NBPF11: variants seen among roughly 807,000 people sequenced by gnomAD.
NBPF11 encodes the protein NBPF member 11.
In NBPF11, 72 loss-of-function variants were observed where a neutral mutation model predicts 93.9. That is an observed-to-expected ratio of 0.77 (90% CI 0.63 to 0.93). The LOEUF (loss-of-function observed/expected upper bound fraction) is 0.93. NBPF11 is among the 40% of genes least tolerant of loss of function. The pLI is 0.00. For synonymous variants in NBPF11, 224 were observed against 304.9 expected, an observed-to-expected ratio of 0.73 and a Z score of 2.76; for missense variants, 705 against 802.2, an observed-to-expected ratio of 0.88 and a Z score of 1.46.
chr1:148,117,049 C>A (rs1272443529), intron 12 of NBPF11, among the ~76,000 whole-genome samples: 2 of 152,120 alleles, frequency 1.3e-5, no homozygotes, highest in Non-Finnish European at 1.5e-5. Flanking sequence ...GCCCCCACAT[C>A]AAGTGCCTTC....
Position 148,120,627 on chromosome 1 carries a change from T to A in NBPF11, c.862A>T (p.Ile288Phe). 6.5e-7 allele frequency: 1 copy of A among 1,535,250 alleles called. No individual in the cohort carries two copies. Reference sequence around the variant, plus strand: ...CACAATTTCTCATTGATTTCTAGAATGTTCATCTCTGCCTTCTCGCTGGAC... The same window carrying A: ...CACAATTTCTCATTGATTTCTAGAAAGTTCATCTCTGCCTTCTCGCTGGAC... The part of the protein sequence containing the change: ...PLSSEKAEMN[I>F]LEINEKLCPQ... Residue 288 changes from isoleucine to phenylalanine, a missense_variant, in exon 10 of 24, where the codon ATT becomes TTT. Transcript: ENST00000682118.
intron 1 of NBPF11, among the ~76,000 whole-genome samples, chr1:148,148,458 G>A (rs1216843489): frequency 3.3e-5 from 5 of 152,160 alleles, no homozygotes; most frequent in South Asian, 2.1e-4. Context: ...GTCAGGGGCC[G>A]CACACCAATG....
In NBPF11 at chr1:148,103,906, G is replaced by T. The variant is rs1271089715; in HGVS notation, c.2588C>A (p.Ala863Glu). Residue 863 changes from alanine to glutamate, a missense_variant, in exon 24 of 24, where the codon GCA becomes GAA. Physicochemically the swap from Ala to Glu is moderately radical, Grantham distance 107. Around this residue, in one of 12 missense-constraint regions of NBPF11, gnomAD observed 109 missense variants for 83.3 expected, o/e 1.31. Coordinates refer to ENST00000682118, the MANE Select transcript of NBPF11 (RefSeq NM_001385469.3). ...GCACTTCCACTTCCATCAGCACGCT[G>T]CTGAGCCTGGAAAAGGAGACAAAAC... The part of the protein sequence containing the change: ...KIKTHHAPGS[A>E]AC 2 of 1,610,860 alleles carry T rather than the reference G, an allele frequency of 1.2e-6. No individual in the cohort carries two copies. Among genetic ancestry groups the T allele is most frequent in the Non-Finnish European group, 1.7e-6 (2 of 1,179,128 alleles).
chr1:148,115,527 A>G (rs1666304021), intron 14 of NBPF11, among the ~76,000 whole-genome samples: 1 of 151,602 alleles, frequency 6.6e-6, no homozygotes, highest in African/African-American at 2.4e-5. Context: ...CGAAGTTAGG[A>G]GGCCTGACAG....
chr1:148,124,772 T>C, intron 6 of NBPF11, 127 bp downstream of exon 6: 3 of 830,906 alleles, frequency 3.6e-6, no homozygotes, highest in Non-Finnish European at 4.2e-6. Context: ...TTGTGTGTCA[T>C]GAGCCTGCCA....
rs1348726524 is a variant in NBPF11 at position 148,125,349 on chromosome 1, G to A, written c.176-348C>T. Among the ~76,000 whole-genome samples, 529 of 152,056 alleles carry A rather than the reference G, an allele frequency of 3.5e-3. 2 individuals are homozygous for A. Among genetic ancestry groups the A allele is most frequent in the Non-Finnish European group, 6.4e-3 (438 of 68,022 alleles). ...CTCTCCTCTAAAACACTGCACTGGGGCATGAAGTAGTGATTTCTTGTACAG... is the reference window on the plus strand; with the variant it reads ...CTCTCCTCTAAAACACTGCACTGGGACATGAAGTAGTGATTTCTTGTACAG... On this transcript the variant is annotated intron_variant, in intron 5 of 23. Transcript: ENST00000682118.
chr1:148,149,655 C>G, intron 1 of NBPF11: 1 of 1,192,588 alleles, frequency 8.4e-7, no homozygotes, highest in Admixed American at 2.8e-5. Context: ...GCATGTGGAC[C>G]CCCCCGGGCG....
rs1553882753 is a variant in NBPF11, at chr1:148,150,141, A to T, written c.-549+1609T>A. ...CTGTGGTGGTTCATTTAGTAAAAACACATGACCTGTACTTTTTTTTTTTTT... is the reference window on the plus strand; with the variant it reads ...CTGTGGTGGTTCATTTAGTAAAAACTCATGACCTGTACTTTTTTTTTTTTT... On this transcript the variant is annotated intron_variant, in intron 1 of 23. Coordinates refer to ENST00000682118, the MANE Select transcript of NBPF11 (RefSeq NM_001385469.3). Among the ~76,000 whole-genome samples, 30 of 149,362 alleles carry T rather than the reference A, an allele frequency of 2.0e-4. No individual in the cohort carries two copies. In the East Asian group the frequency reaches 4.9e-3, roughly 24 times the overall value.
intron 4 of NBPF11, chr1:148,129,678 G>C (rs1204742794): frequency 5.5e-6 from 1 of 180,488 alleles, no homozygotes; most frequent in Admixed American, 5.7e-5. Flanking sequence ...ACACTGGGGG[G>C]CCAGAAATAT....
At chr1:148,139,040 G>A (rs1671786057) in intron 2 of NBPF11, among the ~76,000 whole-genome samples, 1 of 151,398 alleles carries the variant, frequency 6.6e-6, no homozygotes, top group Non-Finnish European at 1.5e-5. Context: ...GCAGTGAGCT[G>A]AGATGGCGCC....
At chr1:148,143,129 A>G (rs1221930985) in intron 2 of NBPF11, among the ~76,000 whole-genome samples, 1 of 151,750 alleles carries the variant, frequency 6.6e-6, no homozygotes, top group African/African-American at 2.4e-5. Context: ...AGAGGGGAAG[A>G]GAGAGGAGAG....
chr1:148,113,202 A>G (rs796660284), intron 15 of NBPF11, among the ~76,000 whole-genome samples: 1 of 152,038 alleles, frequency 6.6e-6, no homozygotes, highest in Admixed American at 6.5e-5. Flanking sequence ...AAGACCCATC[A>G]GTGTGCTGTA....
At chr1:148,149,567 C>T (rs1395975241) in intron 1 of NBPF11, 16 of 1,593,762 alleles carry the variant, frequency 1.0e-5, no homozygotes, top group South Asian at 4.4e-5. Flanking sequence ...GCGCGCCTAG[C>T]GGCGGCCCCA....
chr1:148,146,143 G>A (rs1363208684), intron 1 of NBPF11, among the ~76,000 whole-genome samples: 4 of 151,732 alleles, frequency 2.6e-5, no homozygotes, highest in African/African-American at 9.7e-5. Context: ...GGGCCCGGGG[G>A]CGCGGGCCGG....
intron 19 of NBPF11, among the ~76,000 whole-genome samples, chr1:148,107,484 G>C (rs1663996320): frequency 6.6e-6 from 1 of 151,990 alleles, no homozygotes; most frequent in African/African-American, 2.4e-5. Context: ...CCATGCAGTT[G>C]CCATACGGCC....
intron 7 of NBPF11, among the ~76,000 whole-genome samples, chr1:148,123,391 C>CA (rs1668352736): frequency 1.3e-5 from 2 of 152,234 alleles, no homozygotes; most frequent in South Asian, 4.1e-4. Flanking sequence ...TAAGTGTTCC[C>CA]ATATTTGGAT....
chr1:148,115,296 A>C (rs1276178906), intron 14 of NBPF11, among the ~76,000 whole-genome samples: 2 of 151,028 alleles, frequency 1.3e-5, no homozygotes, highest in Admixed American at 6.6e-5. Flanking sequence ...TATATCAGCA[A>C]AGTAAAGAAG....
In NBPF11 at chr1:148,126,823, T is replaced by G. The variant is rs1214221822; in HGVS notation, c.175+6A>C. ...ACTTTCATGATGGTGAGCCTATAGA[T>G]CTTACTGTATTTCTTCTGTCGGTTG... On this transcript the variant is annotated splice_donor_region_variant and intron_variant, in intron 5 of 23. Transcript: ENST00000682118. 2 of 1,587,668 alleles carry G rather than the reference T, an allele frequency of 1.3e-6. No homozygotes were observed. The highest frequency in any genetic ancestry group is 8.6e-7 in the Non-Finnish European group (1 of 1,161,828).
Position 148,152,109 on chromosome 1 carries a change from A to C in NBPF11, c.-908T>G, listed in dbSNP as rs1648535253. ...CGAGAAAAGGAGTAATGGAGGACAG[A>C]GCGCAGCGGGGACGGGAAAATCCCT... On this transcript the variant is annotated 5_prime_UTR_variant, in exon 1 of 24. Coordinates refer to ENST00000682118, the MANE Select transcript of NBPF11 (RefSeq NM_001385469.3). 6.6e-6 allele frequency: 1 copy of C among 152,098 alleles called. No individual in the cohort carries two copies. The highest frequency in any genetic ancestry group is 1.5e-5 in the Non-Finnish European group (1 of 68,084). The allele number at this position is 152,098 out of a possible 1,614,324, so 9.4% of individuals were successfully genotyped here.
Sources: allele counts gnomAD v4.1 joint callset (sites outside exome capture counted in the v4.1 genomes callset), GRCh38; gene constraint gnomAD v4.1.1; regional missense constraint gnomAD v4.1.1; transcripts MANE v1.5; gene names NCBI Gene and HGNC (gene_info 2026-07-23, HGNC 2026-07-21).